The following SF3B3 variants were observed in gnomAD, a reference collection of about 807,000 sequenced individuals.
The protein encoded by SF3B3 is splicing factor 3b subunit 3.
In SF3B3, 33 loss-of-function variants were observed where a neutral mutation model predicts 139.2. That is an observed-to-expected ratio of 0.24 (90% CI 0.18 to 0.32). The LOEUF (loss-of-function observed/expected upper bound fraction) is 0.32. Among genes scored for constraint, SF3B3 ranks in the 10% least tolerant of loss-of-function variants. The pLI is 1.00. For missense variants in SF3B3, 818 were observed against 1,509.4 expected (o/e 0.54, Z 7.59); for synonymous variants, 596 against 563.6 (o/e 1.06, Z -0.81).
intron 10 of SF3B3, among the ~76,000 whole-genome samples, chr16:70,545,451 CT>C (rs1323551732): frequency 3.9e-5 from 6 of 152,264 alleles, no homozygotes; most frequent in South Asian, 4.1e-4. Context: ...TATTGCTGGA[CT>C]TTTTAGGTAA....
chr16:70,527,715 T>G (rs186248081), intron 2 of SF3B3, among the ~76,000 whole-genome samples: 1 of 152,282 alleles, frequency 6.6e-6, no homozygotes, highest in African/African-American at 2.4e-5. Flanking sequence ...TGGATAGAAT[T>G]TTTGAAAGCA....
At chr16:70,540,017 C>A (rs183149362) in intron 8 of SF3B3, among the ~76,000 whole-genome samples, 1 of 150,388 alleles carries the variant, frequency 6.6e-6, no homozygotes, top group Non-Finnish European at 1.5e-5. Flanking sequence ...CTCAGGTGAT[C>A]GCCTGCCTCG....
At chr16:70,562,601 A>G (rs1460227423) in intron 17 of SF3B3, among the ~76,000 whole-genome samples, 3 of 152,060 alleles carry the variant, frequency 2.0e-5, no homozygotes, top group African/African-American at 7.2e-5. Flanking sequence ...ACCCACATAC[A>G]TACCTGCCTG....
In SF3B3 at chr16:70,576,083, T is replaced by G. The variant is rs1385727253; in HGVS notation, c.*4270T>G. ...AAAAAGCCGGGCGTGAAGCCCTGTT[T>G]TTTTTTTTTTAAAAAAAGAGTCTGC... On this transcript the variant is annotated 3_prime_UTR_variant, in exon 26 of 26. Coordinates refer to ENST00000302516, the MANE Select transcript of SF3B3 (RefSeq NM_012426.5). The G allele has an allele frequency of 6.6e-6, 1 of 150,438 alleles. No individual in the cohort carries two copies. Among genetic ancestry groups the G allele is most frequent in the African/African-American group, 2.4e-5 (1 of 40,864 alleles). 9.3% of individuals were successfully genotyped at this position (150,438 alleles called of 1,614,324 possible). A position where few individuals can be genotyped will look rare whatever the true frequency, so the allele number is the denominator to read the frequency against.
intron 1 of SF3B3, among the ~76,000 whole-genome samples, chr16:70,526,214 A>AT (rs969831662): frequency 1.5e-4 from 22 of 149,680 alleles, no homozygotes; most frequent in South Asian, 2.1e-4. Flanking sequence ...TTATTTATTT[A>AT]TTTTTTTTTT....
Position 70,548,494 on chromosome 16 carries a change from T to G in SF3B3, c.1402+52T>G, listed in dbSNP as rs530054894. ...AATGAGGATCTAGGTGCCATTGACA[T>G]AGAAGGCTTGAAAGGCTGCGTTCAT... On this transcript the variant is annotated intron_variant, in intron 11 of 25. Coordinates refer to ENST00000302516, the MANE Select transcript of SF3B3 (RefSeq NM_012426.5). 8 of 1,501,840 alleles carry G rather than the reference T, an allele frequency of 5.3e-6. No individual in the cohort carries two copies. The East Asian group carries it at 9.0e-5, about 17-fold the overall frequency. The allele number at this position is 1,501,840 out of a possible 1,614,324, so 93.0% of individuals were successfully genotyped here.
chr16:70,541,860 C>G, intron 9 of SF3B3, 26 bp downstream of exon 9: 2 of 1,592,958 alleles, frequency 1.3e-6, no homozygotes, highest in Non-Finnish European at 1.7e-6. Flanking sequence ...CAGCCCCTTC[C>G]ACAATAGATC....
rs746953869 is a variant in SF3B3, at chr16:70,565,541, G to A, written c.2826+17G>A. The A allele has an allele frequency of 6.2e-6, 10 of 1,603,548 alleles. No homozygotes were observed. The highest frequency in any genetic ancestry group is 8.5e-6 in the Non-Finnish European group (10 of 1,173,002). ...TTGCACAAGGTAGGAATCTGCCAGT[G>A]GTTCTCCTAGATTTTAAGTCCCATT... On this transcript the variant is annotated intron_variant, in intron 20 of 25. Transcript: ENST00000302516.
intron 10 of SF3B3, among the ~76,000 whole-genome samples, chr16:70,547,072 C>T (rs2050276094): frequency 6.6e-6 from 1 of 152,028 alleles, no homozygotes; most frequent in Non-Finnish European, 1.5e-5. Context: ...TTGCTTTATT[C>T]CTTTATGTCT....
chr16:70,552,329 T>C (rs960522655), intron 11 of SF3B3, among the ~76,000 whole-genome samples: 39 of 152,206 alleles, frequency 2.6e-4, no homozygotes, highest in Non-Finnish European at 5.9e-5. Context: ...TCATATAATA[T>C]TAAAATTAAA....
At chr16:70,537,331 G>C (rs1159836179) in intron 6 of SF3B3, among the ~76,000 whole-genome samples, 3 of 152,074 alleles carry the variant, frequency 2.0e-5, no homozygotes, top group Non-Finnish European at 4.4e-5. Context: ...TAACGGTATT[G>C]TTTCTTTTTT....
chr16:70,565,983 G>A lies in SF3B3; in HGVS notation c.2826+459G>A, dbSNP rs572057515. 1.6e-4 allele frequency among the ~76,000 whole-genome samples: 24 copies of A among 152,214 alleles called. No individual in the cohort carries two copies. The South Asian group carries it at 4.6e-3, about 29-fold the overall frequency. On this transcript the variant is annotated intron_variant, in intron 20 of 25. Coordinates refer to ENST00000302516, the MANE Select transcript of SF3B3 (RefSeq NM_012426.5). The stretch of plus-strand genomic sequence containing the variant: ...AATACAAAAATCAGCCAGGCATGGC[G>A]GCACGCACCTGTAATCCCAGCTGCT...
Position 70,530,922 on chromosome 16 carries a change from T to C in SF3B3, c.570+5T>C. The C allele has an allele frequency of 2.5e-6, 4 of 1,600,514 alleles. No individual in the cohort carries two copies. The highest frequency in any genetic ancestry group is 1.1e-5 in the South Asian group (1 of 88,664). On this transcript the variant is annotated splice_donor_5th_base_variant and intron_variant, in intron 4 of 25. Coordinates refer to ENST00000302516, the MANE Select transcript of SF3B3 (RefSeq NM_012426.5). ...TGTCTGGAAATGGATTATGAGGTAA[T>C]GGGGACCCTGTCTCTTTGCGTTTCT...
rs188263495 is a variant in SF3B3 at position 70,527,030 on chromosome 16, T to C, written c.70+304T>C. Reference sequence around the variant, plus strand: ...ACTGAGATGTGTAAGACCTGATCTTTGATCTTGAATTTGACATCAGGTTGG... The same window carrying C: ...ACTGAGATGTGTAAGACCTGATCTTCGATCTTGAATTTGACATCAGGTTGG... On this transcript the variant is annotated intron_variant, in intron 2 of 25. Transcript: ENST00000302516. The C allele has an allele frequency of 2.4e-5, 8 of 329,066 alleles. No individual in the cohort carries two copies. The South Asian group carries it at 5.5e-4, about 23-fold the overall frequency. The allele number at this position is 329,066 out of a possible 1,614,324, so 20.4% of individuals were successfully genotyped here.
chr16:70,539,046 T>G, intron 7 of SF3B3, 58 bp from the exon 8 acceptor site: 1 of 1,231,904 alleles, frequency 8.1e-7, no homozygotes, highest in South Asian at 1.2e-5. Flanking sequence ...TGTGCTGTCT[T>G]ATAATACGGG....
intron 10 of SF3B3, among the ~76,000 whole-genome samples, chr16:70,544,983 ATATCAATG>A (rs1271251526): frequency 6.6e-6 from 1 of 152,238 alleles, no homozygotes; most frequent in Non-Finnish European, 1.5e-5. Flanking sequence ...TAAATCAACT[ATATCAATG>A]CTATATATAT....
chr16:70,551,117 C>T (rs1478334667), intron 11 of SF3B3, among the ~76,000 whole-genome samples: 2 of 152,098 alleles, frequency 1.3e-5, no homozygotes, highest in Admixed American at 6.6e-5. Flanking sequence ...TCTGGATGGT[C>T]GCTCACTTTA....
chr16:70,540,646 C>T (rs533791537), intron 8 of SF3B3, among the ~76,000 whole-genome samples: 1 of 152,196 alleles, frequency 6.6e-6, no homozygotes, highest in South Asian at 2.1e-4. Flanking sequence ...GCTGAGATTA[C>T]AGGCTTGAGC....
In SF3B3 at chr16:70,528,988, C is replaced by A. The variant is rs890704749; in HGVS notation, c.186C>A (p.Ile62=). Residue 62 remains isoleucine (I), a synonymous_variant, in exon 3 of 26, where the codon ATC becomes ATA. Transcript: ENST00000302516. ...TLLTVEVFGV[I]RSLMAFRLTG... Reference sequence around the variant, plus strand: ...TCACTGTGGAAGTATTCGGTGTTATCCGGTCACTCATGGCCTTTAGGCTGA... The same window carrying A: ...TCACTGTGGAAGTATTCGGTGTTATACGGTCACTCATGGCCTTTAGGCTGA... 29 of 1,614,034 alleles carry A rather than the reference C, an allele frequency of 1.8e-5. No individual in the cohort carries two copies. Among genetic ancestry groups the A allele is most frequent in the Non-Finnish European group, 2.4e-5 (28 of 1,180,008 alleles).
Sources: allele counts gnomAD v4.1 joint callset (sites outside exome capture counted in the v4.1 genomes callset), GRCh38; gene constraint gnomAD v4.1.1; transcripts MANE v1.5; gene names NCBI Gene and HGNC (gene_info 2026-07-23, HGNC 2026-07-21).